The following RBFOX1 variants were observed in gnomAD, a reference collection of about 807,000 sequenced individuals.
The protein encoded by RBFOX1 is RNA binding fox-1 homolog 1.
In RBFOX1, 8 loss-of-function variants were observed where a neutral mutation model predicts 57.7. That is an observed-to-expected ratio of 0.14 (90% CI 0.08 to 0.25). The LOEUF (loss-of-function observed/expected upper bound fraction) is 0.25. Ranked by LOEUF, RBFOX1 falls within the 10% of genes least tolerant of loss-of-function variation. The pLI is 1.00. For synonymous variants in RBFOX1, 326 were observed against 222.4 expected, an observed-to-expected ratio of 1.47 and a Z score of -4.15; for missense variants, 611 against 548.5, an observed-to-expected ratio of 1.11 and a Z score of -1.14.
intron 4 of RBFOX1, among the ~76,000 whole-genome samples, chr16:5,997,209 G>T (rs569305765): frequency 6.6e-6 from 1 of 152,328 alleles, no homozygotes; most frequent in South Asian, 2.1e-4. Context: ...GCCCATAGCT[G>T]TTGTTGGTCC....
chr16:6,245,447 C>G (rs1044167360), intron 1 of RBFOX1, among the ~76,000 whole-genome samples: 3 of 152,182 alleles, frequency 2.0e-5, no homozygotes, highest in African/African-American at 4.8e-5. Flanking sequence ...TTATTAAGCA[C>G]TTTGTAGAGT....
intron 2 of RBFOX1, among the ~76,000 whole-genome samples, chr16:5,572,466 T>A (rs8057236): frequency 6.6e-6 from 1 of 151,862 alleles, no homozygotes; most frequent in East Asian, 1.9e-4. Flanking sequence ...CTTCTGTACG[T>A]GGAAGGATGC....
intron 1 of RBFOX1, among the ~76,000 whole-genome samples, chr16:6,186,402 T>A (rs2097105376): frequency 6.6e-6 from 1 of 152,182 alleles, no homozygotes; most frequent in African/African-American, 2.4e-5. Flanking sequence ...GAATGTTCCA[T>A]GCCGAGGTGT....
At position 6,116,469 on chromosome 16, in the gene RBFOX1, G is replaced by A. The variant is rs115693723; in HGVS notation, c.-127+96477G>A. On this transcript the variant is annotated intron_variant, in intron 1 of 15. Transcript: ENST00000550418. ...AAGTTTTCTTATTACCAAGAAGGCTGTAGGAAGATACTACCATGCATTGCA... is the reference window on the plus strand; with the variant it reads ...AAGTTTTCTTATTACCAAGAAGGCTATAGGAAGATACTACCATGCATTGCA... Among the ~76,000 whole-genome samples, 1,050 of 152,266 alleles carry A rather than the reference G, an allele frequency of 6.9e-3. 13 individuals carry two copies. The highest frequency in any genetic ancestry group is 0.024 in the African/African-American group (984 of 41,526).
At chr16:6,116,536 C>T (rs531812017) in intron 1 of RBFOX1, among the ~76,000 whole-genome samples, 2 of 152,326 alleles carry the variant, frequency 1.3e-5, no homozygotes, top group South Asian at 2.1e-4. Context: ...ACAACTGCTG[C>T]AGCCACTTAC....
At chr16:5,829,916 C>T (rs1485006065) in intron 3 of RBFOX1, among the ~76,000 whole-genome samples, 1 of 152,144 alleles carries the variant, frequency 6.6e-6, no homozygotes, top group Non-Finnish European at 1.5e-5. Context: ...AGGTGACTTA[C>T]TGGCATAGAC....
rs559045364 is a variant in RBFOX1 at position 5,828,806 on chromosome 16, A to C, written c.319-38497A>C. The stretch of plus-strand genomic sequence containing the variant: ...GCAAGGAAGAGTATGGTGTGCCTGT[A>C]GGCTGAAAAGAGAGTAAGGTGGCTG... On this transcript the variant is annotated intron_variant, in intron 3 of 19. Transcript: ENST00000641259. Among the ~76,000 whole-genome samples the C allele has an allele frequency of 2.2e-3, 334 of 152,304 alleles. 1 individual carries two copies. The highest frequency in any genetic ancestry group is 7.5e-3 in the African/African-American group (313 of 41,568).
At chr16:5,869,079 G>A (rs2057406419) in intron 4 of RBFOX1, among the ~76,000 whole-genome samples, 1 of 152,164 alleles carries the variant, frequency 6.6e-6, no homozygotes, top group South Asian at 2.1e-4. Context: ...AACTAATGAG[G>A]TATAGAGTTG....
At chr16:6,266,030 ATC>A (rs901305933) in intron 1 of RBFOX1, among the ~76,000 whole-genome samples, 103 of 152,262 alleles carry the variant, frequency 6.8e-4, no homozygotes, top group African/African-American at 2.3e-3. Flanking sequence ...GGATTTTTAC[ATC>A]CCCATCAGGA....
In RBFOX1 at chr16:7,417,918, C is replaced by T. The variant is rs77404731; in HGVS notation, c.28-100229C>T. 1.1e-4 allele frequency among the ~76,000 whole-genome samples: 16 copies of T among 152,210 alleles called. No homozygotes were observed. The East Asian group carries it at 3.1e-3, about 30-fold the overall frequency. On this transcript the variant is annotated intron_variant, in intron 4 of 15. Coordinates refer to ENST00000550418, the MANE Select transcript of RBFOX1 (RefSeq NM_018723.4). ...TTCCTGCAGATGTATTGGGTTGAGA[C>T]TTCTGGATTAGGTACCCTGTTGGCC...
intron 3 of RBFOX1, among the ~76,000 whole-genome samples, chr16:5,798,001 T>C (rs1009373576): frequency 1.3e-5 from 2 of 152,198 alleles, no homozygotes; most frequent in African/African-American, 2.4e-5. Flanking sequence ...GCACCTACTG[T>C]GTGCGAAGCC....
intron 14 of RBFOX1, among the ~76,000 whole-genome samples, chr16:7,695,649 C>CA (rs34363093): frequency 0.23 from 22,697 of 98,240 alleles, 2,718 homozygotes; most frequent in East Asian, 0.47. Context: ...AAGCCTCCAT[C>CA]AAAAAAAAAA....
intron 3 of RBFOX1, among the ~76,000 whole-genome samples, chr16:5,713,127 C>T (rs183378384): frequency 3.2e-4 from 48 of 152,268 alleles, no homozygotes; most frequent in Admixed American, 5.2e-4. Context: ...TTGAATGAAC[C>T]GACACTGAAT....
intron 4 of RBFOX1, among the ~76,000 whole-genome samples, chr16:6,008,049 C>G (rs1160282564): frequency 1.3e-5 from 2 of 152,060 alleles, no homozygotes; most frequent in Non-Finnish European, 2.9e-5. Flanking sequence ...ACTGAAAACA[C>G]AAAACATTAG....
chr16:7,561,811 A>G (rs1424754460), intron 5 of RBFOX1, among the ~76,000 whole-genome samples: 1 of 152,222 alleles, frequency 6.6e-6, no homozygotes, highest in African/African-American at 2.4e-5. Flanking sequence ...CAGTTTTCTT[A>G]GGTCTGGGAA....
At chr16:7,696,545 C>G (rs893763264) in intron 14 of RBFOX1, among the ~76,000 whole-genome samples, 1 of 145,858 alleles carries the variant, frequency 6.9e-6, no homozygotes, top group Non-Finnish European at 1.5e-5. Context: ...ACTAGAAATT[C>G]ATTTTAGTCG....
At chr16:7,114,842 T>A (rs1200872428) in intron 4 of RBFOX1, among the ~76,000 whole-genome samples, 1 of 152,174 alleles carries the variant, frequency 6.6e-6, no homozygotes, top group African/African-American at 2.4e-5. Flanking sequence ...TGAAGCCAAA[T>A]CGTAAAGGTC....
At chr16:6,747,743 G>C (rs767303530) in intron 3 of RBFOX1, among the ~76,000 whole-genome samples, 1 of 152,224 alleles carries the variant, frequency 6.6e-6, no homozygotes, top group East Asian at 1.9e-4. Flanking sequence ...TTCATGGACA[G>C]CAACTTGTGC....
At chr16:6,707,480 T>TTTG (rs1336704126) in intron 3 of RBFOX1, among the ~76,000 whole-genome samples, 138 of 145,144 alleles carry the variant, frequency 9.5e-4, no homozygotes, top group Admixed American at 8.3e-3. Context: ...CCATTTTTGT[T>TTTG]TTTTTTTTTT....
Sources: allele counts gnomAD v4.1 joint callset (sites outside exome capture counted in the v4.1 genomes callset), GRCh38; gene constraint gnomAD v4.1.1; transcripts MANE v1.5; gene names NCBI Gene and HGNC (gene_info 2026-07-23, HGNC 2026-07-21).